HSPA4: variants seen among roughly 807,000 people sequenced by gnomAD.
HSPA4 encodes the protein heat shock 70 kDa protein 4.
In HSPA4, 25 loss-of-function variants were observed where a neutral mutation model predicts 106.2. The ratio of observed to expected loss-of-function variants is 0.24; its 90% CI spans 0.17 to 0.33. The LOEUF is 0.33. HSPA4 is among the 10% of genes least tolerant of loss of function. HSPA4 has a pLI of 1.00. For missense variants in HSPA4, 841 were observed against 996.0 expected, an observed-to-expected ratio of 0.84 and a Z score of 2.10; for synonymous variants, 332 against 333.6, an observed-to-expected ratio of 1.00 and a Z score of 0.05.
intron 4 of HSPA4, among the ~76,000 whole-genome samples, chr5:133,071,579 A>G (rs1581469394): frequency 6.6e-6 from 1 of 152,194 alleles, no homozygotes; most frequent in South Asian, 2.1e-4. Flanking sequence ...CTGTTGAAAT[A>G]TGTGTGGTTA....
chr5:133,055,055 T>C (rs1390556631), intron 1 of HSPA4, among the ~76,000 whole-genome samples: 1 of 152,102 alleles, frequency 6.6e-6, no homozygotes, highest in Middle Eastern at 3.2e-3. Flanking sequence ...TGAAACTGAG[T>C]TGTTGCAGAT....
At chr5:133,075,027 A>G (rs370893775) in intron 6 of HSPA4, among the ~76,000 whole-genome samples, 22 of 152,204 alleles carry the variant, frequency 1.4e-4, no homozygotes, top group African/African-American at 4.6e-4. Flanking sequence ...ACCCCAAACT[A>G]AATATTTGGT....
rs1162932500 is a variant in HSPA4, at chr5:133,076,786, C to T, written c.796C>T (p.Leu266Phe). Residue 266 changes from leucine (L) to phenylalanine (F), a missense_variant, in exon 7 of 19, where the codon CTC becomes TTC. Leu to Phe is a conservative substitution (Grantham distance 22, BLOSUM62 0). Coordinates refer to ENST00000304858, the MANE Select transcript of HSPA4 (RefSeq NM_002154.4). ...IKSKIRALLR[L>F]SQECEKLKKL... Reference sequence around the variant, plus strand: ...GTCCAAAATCCGTGCATTATTACGACTCTCTCAGGAGTGTGAGAAACTCAA... The same window carrying T: ...GTCCAAAATCCGTGCATTATTACGATTCTCTCAGGAGTGTGAGAAACTCAA... 4 of 1,613,862 alleles carry T rather than the reference C, an allele frequency of 2.5e-6. No individual in the cohort carries two copies. Among genetic ancestry groups the T allele is most frequent in the Non-Finnish European group, 3.4e-6 (4 of 1,179,820 alleles).
chr5:133,065,896 T>C (rs562670933), intron 2 of HSPA4, among the ~76,000 whole-genome samples: 2 of 152,228 alleles, frequency 1.3e-5, no homozygotes, highest in African/African-American at 2.4e-5. Context: ...GACCTTCTTA[T>C]GGTTCAGCCT....
At position 133,105,663 on chromosome 5, in the gene HSPA4, C is replaced by T. The variant is rs1191730339; in HGVS notation, c.*1227C>T. ...TGGTACCTGCTTTAAGAAACTGTTA[C>T]AGGGCTTGTTGGTAATGTTTTGAAT... On this transcript the variant is annotated 3_prime_UTR_variant, in exon 19 of 19. Transcript: ENST00000304858. The T allele has an allele frequency of 6.6e-6, 1 of 152,164 alleles. No homozygotes were observed. The highest frequency in any genetic ancestry group is 1.5e-5 in the Non-Finnish European group (1 of 68,034). The allele number at this position is 152,164 out of a possible 1,614,324, so 9.4% of individuals were successfully genotyped here. A position where few individuals can be genotyped will look rare whatever the true frequency, so the allele number is the denominator to read the frequency against.
At chr5:133,069,489 G>A (rs1765354634) in intron 3 of HSPA4, among the ~76,000 whole-genome samples, 1 of 152,064 alleles carries the variant, frequency 6.6e-6, no homozygotes, top group Non-Finnish European at 1.5e-5. Context: ...AACCTCAAGT[G>A]ATTTGCCCGC....
At chr5:133,054,383 T>C (rs1765132812) in intron 1 of HSPA4, among the ~76,000 whole-genome samples, 1 of 152,044 alleles carries the variant, frequency 6.6e-6, no homozygotes, top group Non-Finnish European at 1.5e-5. Context: ...TTGTCTTTTT[T>C]AGTAGAGACA....
intron 14 of HSPA4, 136 bp from the exon 15 acceptor site, chr5:133,097,025 C>G (rs1765721032): frequency 3.5e-6 from 2 of 568,040 alleles, no homozygotes; most frequent in East Asian, 6.0e-5. Flanking sequence ...TTAGTCTTCC[C>G]ACTTACCTTT....
intron 6 of HSPA4, chr5:133,076,306 T>A (rs983335719): frequency 1.2e-5 from 3 of 242,936 alleles, no homozygotes; most frequent in African/African-American, 4.4e-5. Context: ...TATTTTACCT[T>A]GGACATGTAA....
intron 11 of HSPA4, among the ~76,000 whole-genome samples, 189 bp downstream of exon 11, chr5:133,089,884 G>C (rs1410598508): frequency 6.6e-6 from 1 of 152,042 alleles, no homozygotes; most frequent in Non-Finnish European, 1.5e-5. Context: ...TATCTACTTG[G>C]AGAGTTCGCA....
At chr5:133,053,986 A>T (rs895283763) in intron 1 of HSPA4, among the ~76,000 whole-genome samples, 2 of 151,730 alleles carry the variant, frequency 1.3e-5, no homozygotes, top group Non-Finnish European at 2.9e-5. Flanking sequence ...AAGGTCCATT[A>T]TTTTCACCCT....
intron 7 of HSPA4, among the ~76,000 whole-genome samples, chr5:133,083,831 G>A (rs1166847375): frequency 1.3e-5 from 2 of 152,044 alleles, no homozygotes; most frequent in Admixed American, 6.6e-5. Context: ...GCTACTGCGT[G>A]GCCTGGCCTC....
intron 2 of HSPA4, 89 bp from the exon 3 acceptor site, chr5:133,067,328 G>A: frequency 1.7e-6 from 2 of 1,160,194 alleles, no homozygotes; most frequent in South Asian, 1.5e-5. Flanking sequence ...TCTATATAAA[G>A]TTAAAATGTT....
intron 1 of HSPA4, among the ~76,000 whole-genome samples, chr5:133,063,261 C>T (rs1765267337): frequency 6.6e-6 from 1 of 151,520 alleles, no homozygotes; most frequent in African/African-American, 2.4e-5. Context: ...TACAGGTGCT[C>T]ACCACCATGC....
intron 3 of HSPA4, 110 bp from the exon 4 acceptor site, chr5:133,070,262 CTT>C: frequency 9.8e-7 from 1 of 1,017,152 alleles, no homozygotes; most frequent in Non-Finnish European, 1.4e-6. Flanking sequence ...TCAATCCCCT[CTT>C]GAGATAATGT....
rs760225892 is a variant in HSPA4, at chr5:133,089,552, C to T, written c.1245-10C>T. ...CTGAATTTGTGTTTTTGTCTTTTTC[C>T]TCCATTCAGTGACTGTGAAGTCTTT... On this transcript the variant is annotated splice_polypyrimidine_tract_variant and intron_variant, in intron 10 of 18. Transcript: ENST00000304858. 1.2e-5 allele frequency: 20 copies of T among 1,610,522 alleles called. No homozygotes were observed. Among genetic ancestry groups the T allele is most frequent in the Non-Finnish European group, 1.6e-5 (19 of 1,178,368 alleles).
chr5:133,064,000 G>C (rs1765277305), intron 1 of HSPA4, among the ~76,000 whole-genome samples: 1 of 152,164 alleles, frequency 6.6e-6, no homozygotes, highest in Non-Finnish European at 1.5e-5. Context: ...GACCTCAGGT[G>C]ATCCGCCTGC....
rs752470618 is a variant in HSPA4 at position 133,103,874 on chromosome 5, T to C, written c.2167T>C (p.Tyr723His). 1 of 1,613,502 alleles carries C rather than the reference T, an allele frequency of 6.2e-7. No individual in the cohort carries two copies. Among genetic ancestry groups the C allele is most frequent in the Non-Finnish European group, 8.5e-7 (1 of 1,179,876 alleles). The change falls in exon 18 of 19, where the codon TAT (tyrosine) becomes CAT (histidine). Residue 723 changes from tyrosine (Y) to histidine (H), a missense_variant. This residue lies in a region of HSPA4 where 328 missense variants were observed against 372.2 expected (regional missense o/e 0.88). Coordinates refer to ENST00000304858, the MANE Select transcript of HSPA4 (RefSeq NM_002154.4). Reference protein sequence around the residue: ...ISSFKNKEDQYDHLDAADMTK... With the variant: ...ISSFKNKEDQHDHLDAADMTK... ...TGTCTCCTGGTTGCAGGAGGACCAG[T>C]ATGATCATTTGGATGCTGCTGACAT...
chr5:133,104,173 C>A, intron 18 of HSPA4, 60 bp from the exon 19 acceptor site: 1 of 1,553,498 alleles, frequency 6.4e-7, no homozygotes, highest in Non-Finnish European at 8.9e-7. Context: ...TTGGGTTTAG[C>A]ATGGCTTGTA....
Sources: allele counts gnomAD v4.1 joint callset (sites outside exome capture counted in the v4.1 genomes callset), GRCh38; gene constraint gnomAD v4.1.1; regional missense constraint gnomAD v4.1.1; transcripts MANE v1.5; gene names NCBI Gene and HGNC (gene_info 2026-07-23, HGNC 2026-07-21).